CFAP77: variants seen among roughly 807,000 people sequenced by gnomAD.
CFAP77 encodes cilia and flagella associated protein 77, also known as cilia- and flagella-associated protein 77.
CFAP77 carries 25 observed loss-of-function variants against 31.1 expected under a neutral mutation model. That is an observed-to-expected ratio of 0.80 (90% CI 0.59 to 1.12). The LOEUF (loss-of-function observed/expected upper bound fraction) is 1.12, where lower values mean the gene tolerates loss of function less well. Among genes scored for constraint, CFAP77 ranks in the 50% most tolerant of loss-of-function variants. The probability of loss-of-function intolerance (pLI) is 0.00; values close to 1 mark genes in which losing one functional copy is unlikely to be tolerated. For missense variants in CFAP77, 377 were observed against 397.3 expected, an observed-to-expected ratio of 0.95 and a Z score of 0.44; for synonymous variants, 151 against 159.9, an observed-to-expected ratio of 0.94 and a Z score of 0.42.
chr9:132,563,675 T>A (rs1837401503), intron 5 of CFAP77, among the ~76,000 whole-genome samples: 1 of 152,218 alleles, frequency 6.6e-6, no homozygotes, highest in Admixed American at 6.5e-5. Flanking sequence ...AGGGTGTACA[T>A]GTGGCCAGCC....
At chr9:132,518,564 C>G (rs1181437618) in intron 3 of CFAP77, among the ~76,000 whole-genome samples, 1 of 152,022 alleles carries the variant, frequency 6.6e-6, no homozygotes, top group African/African-American at 2.4e-5. Context: ...TGTGAGGACT[C>G]GGTGAGCTTT....
At chr9:132,521,951 A>G (rs1852275430) in intron 3 of CFAP77, among the ~76,000 whole-genome samples, 2 of 151,986 alleles carry the variant, frequency 1.3e-5, no homozygotes, top group Non-Finnish European at 2.9e-5. Flanking sequence ...TAGTAGACAC[A>G]GGGTTTCACC....
At chr9:132,530,820 T>C (rs1852431892) in intron 3 of CFAP77, among the ~76,000 whole-genome samples, 1 of 152,146 alleles carries the variant, frequency 6.6e-6, no homozygotes, top group Non-Finnish European at 1.5e-5. Flanking sequence ...ATATTTTTGG[T>C]GTTGAGTCTA....
chr9:132,489,785 G>T (rs2118934515), intron 1 of CFAP77, among the ~76,000 whole-genome samples: 1 of 152,214 alleles, frequency 6.6e-6, no homozygotes, highest in Non-Finnish European at 1.5e-5. Context: ...TCTGCAACTG[G>T]CCACCTCTCA....
In CFAP77 at chr9:132,460,475, C is replaced by A. The variant is rs117618947; in HGVS notation, c.196-38220C>A. On this transcript the variant is annotated intron_variant, in intron 1 of 5. Coordinates refer to ENST00000393216, the MANE Select transcript of CFAP77 (RefSeq NM_001282957.2). The stretch of plus-strand genomic sequence containing the variant: ...TGATCCATGCTACAGCATGGACAAA[C>A]CTTGAAAACATTATACTAAGGGAAA... Among the ~76,000 whole-genome samples the A allele has an allele frequency of 1.2e-3, 180 of 152,160 alleles. 2 individuals carry two copies. In the East Asian group the frequency reaches 0.028, roughly 24 times the overall value.
chr9:132,472,357 T>C (rs2131736769), intron 1 of CFAP77, among the ~76,000 whole-genome samples: 1 of 152,364 alleles, frequency 6.6e-6, no homozygotes, highest in South Asian at 2.1e-4. Context: ...AGCCATTCTA[T>C]AATTAGCTGC....
At position 132,498,848 on chromosome 9, in the gene CFAP77, CCT is replaced by C. The variant is rs2118960872; in HGVS notation, c.295+57_295+58del. 1 of 1,312,950 alleles carries C rather than the reference CCT, an allele frequency of 7.6e-7. No individual in the cohort carries two copies. Among genetic ancestry groups the C allele is most frequent in the South Asian group, 1.3e-5 (1 of 79,818 alleles). 81.3% of individuals were successfully genotyped at this position (1,312,950 alleles called of 1,614,324 possible). ...CAGAGGAGTGGGAGGGAGGCTCACC[CCT>C]CTTCACAGACCCCTTGACCTAGCTC... is the stretch of plus-strand genomic sequence containing the variant. On this transcript the variant is annotated intron_variant, in intron 2 of 5. Coordinates refer to ENST00000393216, the MANE Select transcript of CFAP77 (RefSeq NM_001282957.2). The surrounding 1 kb of genome is among the most constrained non-coding windows in gnomAD (Gnocchi z 4.2).
intron 3 of CFAP77, among the ~76,000 whole-genome samples, chr9:132,512,456 CCATT>C (rs1324316995): frequency 3.3e-5 from 5 of 152,200 alleles, no homozygotes; most frequent in Non-Finnish European, 7.3e-5. Flanking sequence ...GGAGGGGAGA[CCATT>C]CAGCCCACTC....
At chr9:132,418,707 C>G (rs6597575) in intron 1 of CFAP77, among the ~76,000 whole-genome samples, 90,908 of 152,158 alleles carry the variant, frequency 0.6, 32,566 homozygotes, top group Non-Finnish European at 0.8. Flanking sequence ...GCAATCCATA[C>G]AGTGTGGCTC....
intron 3 of CFAP77, among the ~76,000 whole-genome samples, chr9:132,508,583 G>GT (rs796613575): frequency 2.6e-5 from 4 of 152,304 alleles, no homozygotes; most frequent in African/African-American, 7.2e-5. Flanking sequence ...GATTAGGACA[G>GT]TGGGGGGGTT....
intron 3 of CFAP77, 62 bp from the exon 4 acceptor site, chr9:132,537,539 G>A (rs1226151241): frequency 4.7e-6 from 6 of 1,265,994 alleles, no homozygotes; most frequent in Non-Finnish European, 6.7e-6. Flanking sequence ...GGCGGGCGGT[G>A]GGGAGCGGGT....
chr9:132,531,625 T>TG (rs57104311), intron 3 of CFAP77, among the ~76,000 whole-genome samples: 9,572 of 65,412 alleles, frequency 0.15, 530 homozygotes, highest in Middle Eastern at 0.23. Flanking sequence ...GGCTAAGACA[T>TG]GGGGGGGGGG....
chr9:132,449,630 T>C (rs1850789243), intron 1 of CFAP77, among the ~76,000 whole-genome samples: 1 of 152,246 alleles, frequency 6.6e-6, no homozygotes, highest in Non-Finnish European at 1.5e-5. Flanking sequence ...CTGCTATGAA[T>C]AACCTGTGAT....
rs563119799 is a variant in CFAP77 at position 132,552,628 on chromosome 9, T to C, written c.732+9581T>C. ...GGAGAATTGCTTGAACCTGGGAGGT[T>C]GAGGTTGCTGTGAGCCGAGATCACG... On this transcript the variant is annotated intron_variant, in intron 5 of 5. Coordinates refer to ENST00000393216, the MANE Select transcript of CFAP77 (RefSeq NM_001282957.2). The surrounding 1 kb of genome is among the most constrained non-coding windows in gnomAD (Gnocchi z 5.5). 6.7e-6 allele frequency among the ~76,000 whole-genome samples: 1 copy of C among 148,976 alleles called. No homozygotes were observed. The highest frequency in any genetic ancestry group is 2.1e-4 in the South Asian group (1 of 4,692).
chr9:132,464,716 G>A (rs1851120461), intron 1 of CFAP77, among the ~76,000 whole-genome samples: 1 of 152,096 alleles, frequency 6.6e-6, no homozygotes, highest in African/African-American at 2.4e-5. Context: ...CGTGTTTCAA[G>A]TGCTTAGTGG....
chr9:132,456,752 A>C (rs997177333), intron 1 of CFAP77, among the ~76,000 whole-genome samples: 5 of 152,030 alleles, frequency 3.3e-5, no homozygotes, highest in African/African-American at 1.2e-4. Flanking sequence ...GATTTAAAAA[A>C]AATTTTTTTT....
chr9:132,468,368 G>C (rs1851191970), intron 1 of CFAP77, among the ~76,000 whole-genome samples: 1 of 151,960 alleles, frequency 6.6e-6, no homozygotes, highest in South Asian at 2.1e-4. Context: ...CCACAGATTA[G>C]AACCCTTCAA....
In CFAP77 at chr9:132,480,439, T is replaced by C. The variant is rs1851425452; in HGVS notation, c.196-18256T>C. ...GCCTGGGAGGAGTAAGCTTCCATAG[T>C]AGTGCCTGTGTGCCCCACCCCTTGG... On this transcript the variant is annotated intron_variant, in intron 1 of 5. Transcript: ENST00000393216. The surrounding 1 kb of genome is among the most constrained non-coding windows in gnomAD (Gnocchi z 5.8). 6.6e-6 allele frequency among the ~76,000 whole-genome samples: 1 copy of C among 152,170 alleles called. No individual in the cohort carries two copies. The highest frequency in any genetic ancestry group is 2.1e-4 in the South Asian group (1 of 4,828).
chr9:132,461,075 T>A (rs1301668620), intron 1 of CFAP77, among the ~76,000 whole-genome samples: 1 of 152,144 alleles, frequency 6.6e-6, no homozygotes, highest in East Asian at 1.9e-4. Flanking sequence ...TAAAAAAAAA[T>A]TAATGTAAAA....
Sources: gnomAD v4.1 joint callset for allele counts (sites outside exome capture counted in the v4.1 genomes callset) on GRCh38, gnomAD v4.1.1 for gene constraint, Gnocchi (gnomAD v3.1) non-coding constraint, MANE v1.5 for transcripts, NCBI Gene and HGNC (gene_info 2026-07-23, HGNC 2026-07-21) for gene names.